The following RFX6 variants were observed in gnomAD, a reference collection of about 807,000 sequenced individuals.
RFX6 encodes DNA-binding protein RFX6.
A neutral mutation model predicts 110.8 loss-of-function variants in RFX6; 50 were observed. The observed-to-expected ratio is 0.45, with a 90% confidence interval of 0.36 to 0.57. RFX6 has a LOEUF of 0.57. Among genes scored for constraint, RFX6 ranks in the 20% least tolerant of loss-of-function variants. The pLI is 0.00. For missense variants in RFX6, 990 were observed against 1,127.0 expected (o/e 0.88, Z 1.74); for synonymous variants, 383 against 411.2 (o/e 0.93, Z 0.83).
At chr6:116,896,141 A>G (rs1190325921) in intron 6 of RFX6, among the ~76,000 whole-genome samples, 3 of 152,220 alleles carry the variant, frequency 2.0e-5, no homozygotes, top group South Asian at 4.1e-4. Flanking sequence ...GTTTATGTCA[A>G]TAGGGAATTT....
chr6:116,925,929 G>C (rs1393219732), intron 16 of RFX6, among the ~76,000 whole-genome samples: 1 of 152,166 alleles, frequency 6.6e-6, no homozygotes, highest in African/African-American at 2.4e-5. Flanking sequence ...ATAATTAGAT[G>C]AGGTATACAT....
intron 4 of RFX6, among the ~76,000 whole-genome samples, chr6:116,888,100 G>A (rs1774738656): frequency 6.6e-6 from 1 of 152,106 alleles, no homozygotes; most frequent in South Asian, 2.1e-4. Flanking sequence ...GCAAGTCCCT[G>A]AACAGCTTAA....
intron 5 of RFX6, 126 bp downstream of exon 5, chr6:116,894,190 G>A: frequency 1.4e-6 from 1 of 705,266 alleles, no homozygotes; most frequent in Non-Finnish European, 2.6e-6. Flanking sequence ...AGACCTTAAT[G>A]TCCGCTTTGT....
Position 116,923,488 on chromosome 6 carries a change from A to T in RFX6, c.1555+264A>T. ...GAATATTCTCTTCGAAGGGTTGTAT[A>T]GGTACTTTGGTGAGATGATGTATAT... On this transcript the variant is annotated intron_variant, in intron 14 of 18. Coordinates refer to ENST00000332958, the MANE Select transcript of RFX6 (RefSeq NM_173560.4). 8.6e-6 allele frequency: 4 copies of T among 466,028 alleles called. No individual in the cohort carries two copies. The South Asian group carries it at 8.8e-5, about 10-fold the overall frequency. 28.9% of individuals were successfully genotyped at this position (466,028 alleles called of 1,614,324 possible).
At chr6:116,899,825 C>T (rs2114677771) in intron 6 of RFX6, among the ~76,000 whole-genome samples, 1 of 152,210 alleles carries the variant, frequency 6.6e-6, no homozygotes, top group Non-Finnish European at 1.5e-5. Context: ...AAAACACACA[C>T]ATTGGAAACT....
chr6:116,929,707 G>A (rs951673968), intron 18 of RFX6, among the ~76,000 whole-genome samples: 5 of 152,100 alleles, frequency 3.3e-5, no homozygotes, highest in African/African-American at 7.2e-5. Context: ...AGATTTCACA[G>A]GGCAAGTATA....
chr6:116,884,230 T>C (rs339325), intron 4 of RFX6, among the ~76,000 whole-genome samples: 112,316 of 151,970 alleles, frequency 0.74, 42,253 homozygotes, highest in East Asian at 0.89. Flanking sequence ...TTATTGTAGG[T>C]CCCTTCTCTG....
chr6:116,919,440 C>T, intron 11 of RFX6, 144 bp downstream of exon 11: 1 of 758,488 alleles, frequency 1.3e-6, no homozygotes, highest in Non-Finnish European at 2.3e-6. Context: ...GAAGTGAATG[C>T]TATGATAGAA....
chr6:116,905,910 A>AT (rs1337593240), intron 6 of RFX6, among the ~76,000 whole-genome samples: 78 of 150,706 alleles, frequency 5.2e-4, no homozygotes, highest in African/African-American at 1.3e-3. Context: ...TCCTATATAA[A>AT]ATTTTTTTTC....
intron 17 of RFX6, 122 bp downstream of exon 17, chr6:116,927,661 A>ATCT (rs1775775919): frequency 1.2e-6 from 1 of 823,354 alleles, no homozygotes; most frequent in Non-Finnish European, 2.0e-6. Flanking sequence ...AGATCATGGA[A>ATCT]TCTTAGACAT....
intron 13 of RFX6, among the ~76,000 whole-genome samples, chr6:116,922,831 A>G (rs959847314): frequency 1.3e-5 from 2 of 152,206 alleles, no homozygotes; most frequent in Non-Finnish European, 2.9e-5. Flanking sequence ...TGTCAAAGAA[A>G]AATTAAAAAA....
At chr6:116,886,986 C>G (rs1044013195) in intron 4 of RFX6, among the ~76,000 whole-genome samples, 1 of 152,088 alleles carries the variant, frequency 6.6e-6, no homozygotes, top group African/African-American at 2.4e-5. Context: ...TCACTTGAAC[C>G]TGAGAGGCGG....
rs533984495 is a variant in RFX6 at position 116,925,533 on chromosome 6, G to A, written c.1759G>A (p.Asp587Asn). The A allele has an allele frequency of 5.6e-6, 9 of 1,613,902 alleles. No individual in the cohort carries two copies. The highest frequency in any genetic ancestry group is 1.3e-5 in the African/African-American group (1 of 74,896). ...NRNKGSMVSS[D>N]AVKNESHVET... The stretch of plus-strand genomic sequence containing the variant: ...TAATAAAGGGAGCATGGTTTCCAGC[G>A]ACGCTGTGAAGAATGAAAGCCACGT... The change falls in exon 16 of 19, where the codon GAC becomes AAC. Residue 587 changes from aspartate to asparagine, a missense_variant. Coordinates refer to ENST00000332958, the MANE Select transcript of RFX6 (RefSeq NM_173560.4).
At position 116,920,343 on chromosome 6, in the gene RFX6, G is replaced by C. The variant is rs144460291; in HGVS notation, c.1216G>C (p.Val406Leu). 9.4e-5 allele frequency: 152 copies of C among 1,612,104 alleles called. No individual in the cohort carries two copies. Among genetic ancestry groups the C allele is most frequent in the Non-Finnish European group, 1.2e-4 (137 of 1,178,336 alleles). ...ARPALFDQHV[V>L]NSMVSDIERV... ...ACCAGCTCTCTTTGACCAGCATGTCGTTAATTCTATGGTGTCTGATATTGA... is the reference window on the plus strand; with the variant it reads ...ACCAGCTCTCTTTGACCAGCATGTCCTTAATTCTATGGTGTCTGATATTGA... Residue 406 changes from valine (V) to leucine (L), a missense_variant, in exon 12 of 19, where the codon GTT (valine) becomes CTT (leucine). This residue lies in a region of RFX6 where 243 missense variants were observed against 353.1 expected (regional missense o/e 0.69). Transcript: ENST00000332958.
At chr6:116,877,759 T>C in intron 1 of RFX6, 37 bp from the exon 2 acceptor site, 5 of 1,609,112 alleles carry the variant, frequency 3.1e-6, no homozygotes, top group Non-Finnish European at 3.4e-6. Flanking sequence ...GATTTTATAT[T>C]CTATTTTTCT....
At chr6:116,914,268 T>A (rs1775416960) in intron 7 of RFX6, among the ~76,000 whole-genome samples, 3 of 152,166 alleles carry the variant, frequency 2.0e-5, no homozygotes, top group African/African-American at 7.2e-5. Flanking sequence ...GTTTTATTTT[T>A]TATGGATGAA....
chr6:116,920,765 G>A (rs1775578704), intron 12 of RFX6, among the ~76,000 whole-genome samples: 1 of 151,936 alleles, frequency 6.6e-6, no homozygotes, highest in African/African-American at 2.4e-5. Flanking sequence ...ACTCACCATG[G>A]AAAAGATAGA....
At chr6:116,898,789 G>A (rs981113612) in intron 6 of RFX6, among the ~76,000 whole-genome samples, 20 of 151,758 alleles carry the variant, frequency 1.3e-4, no homozygotes, top group South Asian at 4.2e-4. Context: ...GGTAGTGTAG[G>A]TCATGTGCTG....
At chr6:116,889,818 A>C (rs553200167) in intron 4 of RFX6, among the ~76,000 whole-genome samples, 113 of 152,254 alleles carry the variant, frequency 7.4e-4, no homozygotes, top group Middle Eastern at 6.8e-3. Flanking sequence ...GAAATCTCTT[A>C]ATTGGCAAAT....
Sources: gnomAD v4.1 joint callset for allele counts (sites outside exome capture counted in the v4.1 genomes callset) on GRCh38, gnomAD v4.1.1 for gene constraint, gnomAD v4.1.1 regional missense constraint, MANE v1.5 for transcripts, NCBI Gene and HGNC (gene_info 2026-07-23, HGNC 2026-07-21) for gene names.